The following VIT variants were observed in gnomAD, a reference collection of about 807,000 sequenced individuals.
The protein encoded by VIT is vitrin.
VIT carries 99 observed loss-of-function variants against 78.0 expected under a neutral mutation model. The observed-to-expected ratio is 1.27, with a 90% confidence interval of 1.08 to 1.50. VIT has a LOEUF of 1.50. VIT is among the 40% of genes most tolerant of loss of function. VIT has a pLI of 0.00. For missense variants in VIT, 1,126 were observed against 875.3 expected (o/e 1.29, Z -3.61); for synonymous variants, 374 against 334.3 (o/e 1.12, Z -1.29).
chr2:36,800,705 T>C (rs1666261029), intron 12 of VIT, among the ~76,000 whole-genome samples: 1 of 152,194 alleles, frequency 6.6e-6, no homozygotes, highest in Admixed American at 6.5e-5. Flanking sequence ...ACTGTGTTTT[T>C]CCACTGAATT....
chr2:36,764,474 T>C (rs145349193), intron 6 of VIT, among the ~76,000 whole-genome samples: 213 of 152,334 alleles, frequency 1.4e-3, no homozygotes, highest in East Asian at 0.01. Flanking sequence ...TTTAAAATAA[T>C]GGAAATGTCA....
intron 8 of VIT, 84 bp downstream of exon 8, chr2:36,773,931 AT>A: frequency 7.1e-7 from 1 of 1,402,158 alleles, no homozygotes; most frequent in African/African-American, 1.4e-5. Context: ...TTGCCATTTA[AT>A]TTAGATTTGG....
chr2:36,701,560 G>T (rs971351269), intron 1 of VIT, among the ~76,000 whole-genome samples: 1 of 152,148 alleles, frequency 6.6e-6, no homozygotes, highest in African/African-American at 2.4e-5. Flanking sequence ...CATAAAAACT[G>T]CCCTTCAGGC....
At chr2:36,698,794 A>G (rs1664833423) in intron 1 of VIT, among the ~76,000 whole-genome samples, 2 of 152,060 alleles carry the variant, frequency 1.3e-5, no homozygotes, top group African/African-American at 4.8e-5. Context: ...AAATACAAAA[A>G]TTAGCCAGGC....
intron 4 of VIT, among the ~76,000 whole-genome samples, chr2:36,743,489 G>A (rs1340299555): frequency 1.3e-5 from 2 of 152,094 alleles, no homozygotes; most frequent in East Asian, 3.8e-4. Context: ...TCCTTGCATA[G>A]TTTCAGATGA....
intron 3 of VIT, among the ~76,000 whole-genome samples, chr2:36,732,987 G>C (rs1667296861): frequency 6.6e-6 from 1 of 152,192 alleles, no homozygotes; most frequent in African/African-American, 2.4e-5. Context: ...TACAGAAATA[G>C]AGAATAGAAG....
In VIT at chr2:36,754,911, C is replaced by A; in HGVS notation, c.276-10C>A. On this transcript the variant is annotated splice_polypyrimidine_tract_variant and intron_variant, in intron 4 of 15. Transcript: ENST00000379242. ...GTTCTTTCCTGAAAAATTATTTTTT[C>A]TCTTCATAGTGGTGTGCTTGATAAT... The A allele has an allele frequency of 6.3e-7, 1 of 1,598,770 alleles. No homozygotes were observed. The highest frequency in any genetic ancestry group is 8.5e-7 in the Non-Finnish European group (1 of 1,175,122).
chr2:36,760,284 T>G (rs1441380055), intron 6 of VIT, among the ~76,000 whole-genome samples: 1 of 152,186 alleles, frequency 6.6e-6, no homozygotes, highest in Non-Finnish European at 1.5e-5. Context: ...TGAGCCACTG[T>G]TCCTGGCCCA....
At chr2:36,810,128 C>A (rs1667049070) in intron 15 of VIT, among the ~76,000 whole-genome samples, 1 of 151,670 alleles carries the variant, frequency 6.6e-6, no homozygotes, top group African/African-American at 2.4e-5. Flanking sequence ...CCCGTCGCTA[C>A]TAAAAATACA....
intron 3 of VIT, among the ~76,000 whole-genome samples, chr2:36,740,488 A>C (rs1431369893): frequency 2.0e-5 from 3 of 152,020 alleles, no homozygotes; most frequent in African/African-American, 7.2e-5. Context: ...TAACTAGTTC[A>C]CTCTCTCCAG....
chr2:36,702,644 GTGTCCAGAGT>G (rs1314749168), intron 1 of VIT, among the ~76,000 whole-genome samples: 1 of 151,680 alleles, frequency 6.6e-6, no homozygotes, highest in Admixed American at 6.6e-5. Flanking sequence ...TAGTCTCTTC[GTGTCCAGAGT>G]TGAAGTGGGT....
intron 1 of VIT, among the ~76,000 whole-genome samples, chr2:36,697,580 T>A (rs886680311): frequency 6.6e-6 from 1 of 152,244 alleles, no homozygotes; most frequent in African/African-American, 2.4e-5. Context: ...CTGGCATTGT[T>A]AAGTCTGCCA....
intron 10 of VIT, 73 bp downstream of exon 10, chr2:36,781,844 A>T: frequency 6.3e-7 from 1 of 1,576,274 alleles, no homozygotes; most frequent in Non-Finnish European, 8.7e-7. Context: ...AGAGTCTAAT[A>T]ATCCAGCTGG....
intron 6 of VIT, 154 bp downstream of exon 6, chr2:36,759,200 C>A: frequency 1.3e-6 from 2 of 1,569,642 alleles, no homozygotes; most frequent in South Asian, 1.2e-5. Flanking sequence ...GCACAGAAAT[C>A]AATGAGATCA....
chr2:36,776,905 C>A (rs552071404), intron 9 of VIT, among the ~76,000 whole-genome samples: 1 of 150,968 alleles, frequency 6.6e-6, no homozygotes, highest in South Asian at 2.1e-4. Context: ...CCGGCTAACA[C>A]GGTGAAACTC....
At chr2:36,781,083 T>G (rs1180834446) in intron 9 of VIT, among the ~76,000 whole-genome samples, 2 of 152,204 alleles carry the variant, frequency 1.3e-5, no homozygotes, top group East Asian at 3.8e-4. Flanking sequence ...GGTGCTACTT[T>G]CCTTTATTCT....
At chr2:36,742,314 A>G (rs947164315) in intron 3 of VIT, among the ~76,000 whole-genome samples, 1 of 152,188 alleles carries the variant, frequency 6.6e-6, no homozygotes, top group Admixed American at 6.5e-5. Context: ...GGATGAAGTG[A>G]GGCTGGCAGT....
At chr2:36,697,260 G>A (rs768764090) in intron 1 of VIT, among the ~76,000 whole-genome samples, 10 of 152,162 alleles carry the variant, frequency 6.6e-5, no homozygotes, top group Non-Finnish European at 1.3e-4. Flanking sequence ...AAGTTGAAAA[G>A]TATGACATTT....
At chr2:36,800,913 AG>A (rs1302478043) in intron 12 of VIT, among the ~76,000 whole-genome samples, 5 of 152,058 alleles carry the variant, frequency 3.3e-5, no homozygotes, top group African/African-American at 9.7e-5. Flanking sequence ...CTTTCTGGAG[AG>A]GGGGGTCTGG....
Sources: gnomAD v4.1 joint callset for allele counts (sites outside exome capture counted in the v4.1 genomes callset) on GRCh38, gnomAD v4.1.1 for gene constraint, MANE v1.5 for transcripts, NCBI Gene and HGNC (gene_info 2026-07-23, HGNC 2026-07-21) for gene names.